The following PCDH11X variants were observed in gnomAD, a reference collection of about 807,000 sequenced individuals.
PCDH11X encodes protocadherin-11 X-linked.
Under a neutral mutation model 53.3 loss-of-function variants are expected in PCDH11X, and 18 were observed. That is an observed-to-expected ratio of 0.34 (90% CI 0.23 to 0.50). PCDH11X has a LOEUF of 0.50. PCDH11X is among the 20% of genes least tolerant of loss of function. PCDH11X has a pLI of 0.98. For synonymous variants in PCDH11X, 279 were observed against 393.3 expected (o/e 0.71, Z 3.44); for missense variants, 570 against 1,032.4 (o/e 0.55, Z 6.14).
chrX:92,534,832 C>A (rs1394197658), intron 10 of PCDH11X, among the ~76,000 whole-genome samples: 12 of 111,391 alleles, frequency 1.1e-4, no homozygotes, highest in Non-Finnish European at 2.1e-4. Flanking sequence ...GAAATAAAAT[C>A]CTTTACAGAC....
intron 6 of PCDH11X, among the ~76,000 whole-genome samples, chrX:92,125,654 A>C (rs991825407): frequency 1.8e-5 from 2 of 109,881 alleles, no homozygotes; most frequent in African/African-American, 6.6e-5. Flanking sequence ...TTTGTTTTTT[A>C]TTTTTTTATT....
chrX:92,500,395 G>T lies in PCDH11X; in HGVS notation c.3367+32073G>T, dbSNP rs1429507107. On this transcript the variant is annotated intron_variant, in intron 10 of 10. Transcript: ENST00000682573. ...TAGAAAGGTATAAAATATAATGGAG[G>T]AGTAAATATATTTCCAGTTGGTTTT... is the stretch of plus-strand genomic sequence containing the variant. Among the ~76,000 whole-genome samples the T allele has an allele frequency of 1.2e-4, 13 of 110,555 alleles. No individual in the cohort carries two copies. In the Admixed American group the frequency reaches 1.3e-3, roughly 11 times the overall value.
chrX:92,423,642 G>T (rs1214234354), intron 9 of PCDH11X, among the ~76,000 whole-genome samples: 1 of 93,561 alleles, frequency 1.1e-5, no homozygotes, highest in African/African-American at 3.4e-5. Flanking sequence ...TTAAGTCCTT[G>T]TTGCATCTTA....
intron 6 of PCDH11X, among the ~76,000 whole-genome samples, chrX:92,105,022 G>A (rs1238282118): frequency 1.8e-5 from 2 of 108,779 alleles, no homozygotes; most frequent in African/African-American, 3.3e-5. Context: ...GCATCCCTGC[G>A]TGGTCTGACA....
intron 6 of PCDH11X, among the ~76,000 whole-genome samples, chrX:92,020,421 G>A (rs780633545): frequency 8.9e-6 from 1 of 111,954 alleles, no homozygotes; most frequent in South Asian, 3.8e-4. Context: ...CACCAGTTGT[G>A]GCAGACTGCG....
At chrX:92,480,677 CCTGT>C (rs889557212) in intron 10 of PCDH11X, among the ~76,000 whole-genome samples, 2 of 110,595 alleles carry the variant, frequency 1.8e-5, no homozygotes, top group Admixed American at 1.9e-4. Context: ...GGTATTGGGC[CCTGT>C]CTTTGTTCTC....
chrX:92,302,286 G>C (rs866942743), intron 8 of PCDH11X, among the ~76,000 whole-genome samples: 1 of 111,168 alleles, frequency 9.0e-6, no homozygotes. Context: ...ATGTGTAACG[G>C]AGTTGTAGTC....
intron 9 of PCDH11X, among the ~76,000 whole-genome samples, chrX:92,412,028 TGAGGAG>T (rs1234836534): frequency 8.5e-5 from 2 of 23,411 alleles, no homozygotes; most frequent in Non-Finnish European, 1.6e-4. Flanking sequence ...GGAGGAGGGG[TGAGGAG>T]GAGGAGGAGG....
chrX:91,785,890 A>G (rs755599253), intron 1 of PCDH11X, among the ~76,000 whole-genome samples: 1 of 111,517 alleles, frequency 9.0e-6, no homozygotes, highest in Admixed American at 9.5e-5. Context: ...GTCCCTTAAG[A>G]TTTATTCTCT....
chrX:92,478,600 G>T (rs2073438219), intron 10 of PCDH11X, among the ~76,000 whole-genome samples: 1 of 109,894 alleles, frequency 9.1e-6, no homozygotes, highest in Admixed American at 9.9e-5. Flanking sequence ...ATAACTTCTT[G>T]ATTTCTGCCT....
chrX:91,970,760 G>A (rs1250495724), intron 6 of PCDH11X, among the ~76,000 whole-genome samples: 2 of 111,811 alleles, frequency 1.8e-5, no homozygotes, highest in East Asian at 5.6e-4. Flanking sequence ...AATAAAAAAT[G>A]ATGCAACAGG....
intron 7 of PCDH11X, among the ~76,000 whole-genome samples, chrX:92,212,401 A>T (rs749818109): frequency 8.1e-5 from 9 of 111,151 alleles, no homozygotes; most frequent in African/African-American, 2.9e-4. Flanking sequence ...CGCAGGCTGG[A>T]GTGCAATGGC....
chrX:92,399,994 G>A (rs1192798889), intron 9 of PCDH11X, among the ~76,000 whole-genome samples: 1 of 105,222 alleles, frequency 9.5e-6, no homozygotes, highest in African/African-American at 3.5e-5. Flanking sequence ...CTCGTGATCC[G>A]CCCGCCTCGG....
Position 92,325,865 on chromosome X carries a change from CT to C in PCDH11X, c.3145-61869del, listed in dbSNP as rs1413799095. On this transcript the variant is annotated intron_variant, in intron 8 of 10. Transcript: ENST00000682573. ...CTTTCCTATAACAACTAACCTGCTCCTGTTATTTCTCTCTGTAGTCAAGTGT... is the reference window on the plus strand; with the variant it reads ...CTTTCCTATAACAACTAACCTGCTCCGTTATTTCTCTCTGTAGTCAAGTGT... Among the ~76,000 whole-genome samples the C allele has an allele frequency of 2.7e-5, 3 of 111,289 alleles. No individual in the cohort carries two copies. The East Asian group carries it at 8.5e-4, about 32-fold the overall frequency.
chrX:91,984,946 G>A (rs1183623803), intron 6 of PCDH11X, among the ~76,000 whole-genome samples: 8 of 111,121 alleles, frequency 7.2e-5, no homozygotes, highest in East Asian at 2.8e-4. Flanking sequence ...TGAATCACAG[G>A]CCCCTTGGTT....
At chrX:91,860,971 T>A (rs1156806199) in intron 5 of PCDH11X, among the ~76,000 whole-genome samples, 1 of 111,658 alleles carries the variant, frequency 9.0e-6, no homozygotes, top group African/African-American at 3.3e-5. Flanking sequence ...GGTTTTGGTA[T>A]AAGAATGATG....
chrX:92,125,568 A>C (rs1296138432), intron 6 of PCDH11X, among the ~76,000 whole-genome samples: 1 of 111,368 alleles, frequency 9.0e-6, no homozygotes, highest in Non-Finnish European at 1.9e-5. Flanking sequence ...TTTTGACCTC[A>C]TGATAAATGT....
At chrX:92,335,269 T>G (rs1185161345) in intron 8 of PCDH11X, among the ~76,000 whole-genome samples, 4 of 110,658 alleles carry the variant, frequency 3.6e-5, no homozygotes, top group African/African-American at 1.3e-4. Flanking sequence ...ACACCAAAGT[T>G]CATAATTTTA....
In PCDH11X at chrX:92,074,605, C is replaced by T. The variant is rs767035887; in HGVS notation, c.3034-126770C>T. Among the ~76,000 whole-genome samples, 12 of 111,609 alleles carry T rather than the reference C, an allele frequency of 1.1e-4. No individual in the cohort carries two copies. The South Asian group carries it at 3.7e-3, about 34-fold the overall frequency. ...GTTCTATTCATTCACCTATTGACCA[C>T]TCAATTTAGCTTATAGGAAAATATA... On this transcript the variant is annotated intron_variant, in intron 6 of 10. Coordinates refer to ENST00000682573, the MANE Select transcript of PCDH11X (RefSeq NM_032968.5).
Sources: gnomAD v4.1 joint callset for allele counts (sites outside exome capture counted in the v4.1 genomes callset) on GRCh38, gnomAD v4.1.1 for gene constraint, MANE v1.5 for transcripts, NCBI Gene and HGNC (gene_info 2026-07-23, HGNC 2026-07-21) for gene names.